Variants in EPHA6 observed in about 807,000 individuals in gnomAD.
EPHA6 encodes the protein ephrin type-A receptor 6.
A neutral mutation model predicts 112.0 loss-of-function variants in EPHA6; 50 were observed. The observed-to-expected ratio is 0.45, with a 90% confidence interval of 0.36 to 0.56. The LOEUF (loss-of-function observed/expected upper bound fraction) is 0.56. EPHA6 is among the 20% of genes least tolerant of loss of function. The pLI is 0.00. For missense variants in EPHA6, 1,280 were observed against 1,417.4 expected (o/e 0.90, Z 1.56); for synonymous variants, 529 against 490.7 (o/e 1.08, Z -1.03).
intron 5 of EPHA6, among the ~76,000 whole-genome samples, chr3:97,320,149 A>G: frequency 6.6e-6 from 1 of 152,008 alleles, no homozygotes; most frequent in East Asian, 1.9e-4. Context: ...CTCTCAGTAT[A>G]TAAAATTTTA....
chr3:97,095,909 A>T (rs2047222171), intron 3 of EPHA6, among the ~76,000 whole-genome samples: 1 of 152,032 alleles, frequency 6.6e-6, no homozygotes, highest in African/African-American at 2.4e-5. Context: ...AAATGATATT[A>T]TACTTTGAAA....
chr3:97,552,427 G>T (rs1335121853), intron 11 of EPHA6, among the ~76,000 whole-genome samples: 1 of 152,138 alleles, frequency 6.6e-6, no homozygotes, highest in Non-Finnish European at 1.5e-5. Flanking sequence ...AGGGAAGTTG[G>T]CCTGAAGGGA....
chr3:97,479,614 T>C (rs532554187), intron 9 of EPHA6, among the ~76,000 whole-genome samples: 2 of 152,308 alleles, frequency 1.3e-5, no homozygotes, highest in East Asian at 3.9e-4. Flanking sequence ...CTAAAAATAA[T>C]AGTTGACTGA....
At chr3:97,173,363 C>T (rs1320041450) in intron 3 of EPHA6, among the ~76,000 whole-genome samples, 1 of 151,646 alleles carries the variant, frequency 6.6e-6, no homozygotes, top group African/African-American at 2.4e-5. Context: ...CAATGCCAGA[C>T]CAATGTGGAA....
chr3:96,905,823 A>G (rs77505098), intron 2 of EPHA6, among the ~76,000 whole-genome samples: 2,192 of 152,192 alleles, frequency 0.014, 57 homozygotes, highest in African/African-American at 0.05. Flanking sequence ...CTTGTTGGCT[A>G]TAAGAATAAT....
intron 12 of EPHA6, among the ~76,000 whole-genome samples, chr3:97,604,023 G>T (rs1186360753): frequency 6.6e-6 from 1 of 151,704 alleles, no homozygotes; most frequent in Non-Finnish European, 1.5e-5. Context: ...GTTATTGGGT[G>T]ACTCAATATT....
intron 2 of EPHA6, among the ~76,000 whole-genome samples, chr3:96,960,449 A>G (rs2107749246): frequency 6.6e-6 from 1 of 152,228 alleles, no homozygotes. Context: ...TCTTATAGTT[A>G]AGTGTTGCCA....
At chr3:97,027,268 A>G (rs1170968681) in intron 3 of EPHA6, among the ~76,000 whole-genome samples, 1 of 152,136 alleles carries the variant, frequency 6.6e-6, no homozygotes, top group African/African-American at 2.4e-5. Context: ...CAGGGGAACA[A>G]CACACACTGG....
In EPHA6 at chr3:97,199,865, G is replaced by A. The variant is rs570815153; in HGVS notation, c.1115-26399G>A. On this transcript the variant is annotated intron_variant, in intron 3 of 17. Coordinates refer to ENST00000389672, the MANE Select transcript of EPHA6 (RefSeq NM_001080448.3). ...CTTTGGTTATTCACTGGCTATTGTCGGATGCTGGGGGGGTGACAATGAGTT... is the reference window on the plus strand; with the variant it reads ...CTTTGGTTATTCACTGGCTATTGTCAGATGCTGGGGGGGTGACAATGAGTT... Among the ~76,000 whole-genome samples, 9 of 152,158 alleles carry A rather than the reference G, an allele frequency of 5.9e-5. No individual in the cohort carries two copies. In the South Asian group the frequency reaches 6.2e-4, roughly 11 times the overall value.
chr3:97,612,458 C>A, intron 13 of EPHA6: 1 of 377,748 alleles, frequency 2.6e-6, no homozygotes. Flanking sequence ...GATCAAATGA[C>A]TACCACAAGC....
rs540916892 is a variant in EPHA6 at position 96,819,337 on chromosome 3, T to C, written c.385+4329T>C. Among the ~76,000 whole-genome samples, 92 of 152,188 alleles carry C rather than the reference T, an allele frequency of 6.0e-4. 1 individual carries two copies. Among genetic ancestry groups the C allele is most frequent in the Middle Eastern group, 3.4e-3 (1 of 294 alleles). On this transcript the variant is annotated intron_variant, in intron 1 of 17. Transcript: ENST00000389672. ...TAGAGTAGAAAGCCTTTTGCTTCTTTGTTTCTTCACTAATCATTGTTAGTA... is the reference window on the plus strand; with the variant it reads ...TAGAGTAGAAAGCCTTTTGCTTCTTCGTTTCTTCACTAATCATTGTTAGTA...
chr3:97,459,815 G>T (rs959797046), intron 7 of EPHA6, among the ~76,000 whole-genome samples: 18 of 152,102 alleles, frequency 1.2e-4, no homozygotes, highest in African/African-American at 3.9e-4. Context: ...CTAGAACCTT[G>T]GGAATCATCA....
intron 5 of EPHA6, among the ~76,000 whole-genome samples, chr3:97,334,478 C>CTTTTTTTTTTTTT (rs1354125066): frequency 3.1e-5 from 4 of 128,060 alleles, no homozygotes; most frequent in Non-Finnish European, 5.0e-5. Flanking sequence ...TTTTTTTCTT[C>CTTTTTTTTTTTTT]TTTTTTTTTT....
chr3:97,138,347 T>C (rs1375411861), intron 3 of EPHA6, among the ~76,000 whole-genome samples: 2 of 152,180 alleles, frequency 1.3e-5, no homozygotes, highest in East Asian at 3.9e-4. Flanking sequence ...GCTGCTGCTG[T>C]ATCTGCCAGG....
At chr3:97,047,294 A>T (rs2045541285) in intron 3 of EPHA6, among the ~76,000 whole-genome samples, 2 of 151,940 alleles carry the variant, frequency 1.3e-5, no homozygotes, top group South Asian at 4.1e-4. Flanking sequence ...AGGTCAGGAG[A>T]TCAAGACCAT....
intron 14 of EPHA6, among the ~76,000 whole-genome samples, chr3:97,717,123 C>T (rs1007359339): frequency 1.3e-5 from 2 of 149,930 alleles, no homozygotes; most frequent in Admixed American, 6.7e-5. Flanking sequence ...CCCAGCTACT[C>T]GGGAGGCTGA....
chr3:97,474,848 G>A (rs932320482), intron 7 of EPHA6, among the ~76,000 whole-genome samples: 2 of 151,938 alleles, frequency 1.3e-5, no homozygotes, highest in African/African-American at 4.8e-5. Flanking sequence ...TCGTGCTGTG[G>A]AGGTGAGAAT....
intron 5 of EPHA6, among the ~76,000 whole-genome samples, chr3:97,379,544 T>G (rs911332929): frequency 4.0e-5 from 6 of 150,544 alleles, no homozygotes; most frequent in African/African-American, 1.5e-4. Context: ...AGGTCAGGAG[T>G]TTGAGACCAG....
At chr3:96,960,760 C>G (rs947364043) in intron 2 of EPHA6, among the ~76,000 whole-genome samples, 2 of 152,070 alleles carry the variant, frequency 1.3e-5, no homozygotes, top group Non-Finnish European at 2.9e-5. Flanking sequence ...TTTTTTAACT[C>G]TTTTATTCTA....
Sources: gnomAD v4.1 joint callset for allele counts (sites outside exome capture counted in the v4.1 genomes callset) on GRCh38, gnomAD v4.1.1 for gene constraint, MANE v1.5 for transcripts, NCBI Gene and HGNC (gene_info 2026-07-23, HGNC 2026-07-21) for gene names.